Variants in CSMD1 observed in about 807,000 individuals in gnomAD.
The protein encoded by CSMD1 is CUB and sushi domain-containing protein 1.
In CSMD1, 213 loss-of-function variants were observed where a neutral mutation model predicts 417.5. That is an observed-to-expected ratio of 0.51 (90% CI 0.46 to 0.57). The LOEUF is 0.57. Ranked by LOEUF, CSMD1 falls within the 20% of genes least tolerant of loss-of-function variation. CSMD1 has a pLI of 0.00. For missense variants in CSMD1, 6,923 were observed against 4,529.7 expected (o/e 1.53, Z -15.17); for synonymous variants, 2,862 against 1,736.8 (o/e 1.65, Z -16.11).
chr8:4,149,275 T>C (rs530912182), intron 3 of CSMD1, among the ~76,000 whole-genome samples: 1 of 152,192 alleles, frequency 6.6e-6, no homozygotes, highest in African/African-American at 2.4e-5. Context: ...GTAATTTTCA[T>C]ATTCCTAAAA....
intron 1 of CSMD1, among the ~76,000 whole-genome samples, chr8:4,898,140 T>G (rs1288767579): frequency 2.6e-5 from 4 of 152,086 alleles, no homozygotes; most frequent in Non-Finnish European, 5.9e-5. Flanking sequence ...TATATATGTG[T>G]ATATCCTCTG....
chr8:4,751,647 A>C (rs1811334351), intron 1 of CSMD1, among the ~76,000 whole-genome samples: 1 of 152,004 alleles, frequency 6.6e-6, no homozygotes, highest in African/African-American at 2.4e-5. Flanking sequence ...TGCCACTATC[A>C]CCCTCAGTGA....
At chr8:4,347,082 T>C (rs887349215) in intron 3 of CSMD1, among the ~76,000 whole-genome samples, 2 of 152,042 alleles carry the variant, frequency 1.3e-5, no homozygotes, top group African/African-American at 4.8e-5. Flanking sequence ...TTTTCTCCTA[T>C]TCTTTGACCC....
At chr8:4,707,876 G>T (rs947711055) in intron 1 of CSMD1, among the ~76,000 whole-genome samples, 2 of 109,508 alleles carry the variant, frequency 1.8e-5, no homozygotes, top group African/African-American at 3.6e-5. Flanking sequence ...ACAAGAGCAA[G>T]ACTTTGTTTC....
rs185833835 is a variant in CSMD1, at chr8:4,557,378, T to C, written c.302+79964A>G. On this transcript the variant is annotated intron_variant, in intron 2 of 69. Transcript: ENST00000635120. ...CTTGATATGCCAAGATATAATTTGATAGCATTATCTAAGAATTCACAGCAT... is the reference window on the plus strand; with the variant it reads ...CTTGATATGCCAAGATATAATTTGACAGCATTATCTAAGAATTCACAGCAT... 8.5e-4 allele frequency among the ~76,000 whole-genome samples: 129 copies of C among 151,770 alleles called. 1 individual carries two copies. Among genetic ancestry groups the C allele is most frequent in the African/African-American group, 2.9e-3 (119 of 41,446 alleles).
At chr8:4,017,889 T>C (rs892233389) in intron 4 of CSMD1, among the ~76,000 whole-genome samples, 2 of 152,172 alleles carry the variant, frequency 1.3e-5, no homozygotes, top group Non-Finnish European at 2.9e-5. Context: ...CCAAAGGACT[T>C]AGGCTAATCA....
In CSMD1 at chr8:3,712,905, A is replaced by G. The variant is rs1479504124; in HGVS notation, c.932-4414T>C. Reference sequence around the variant, plus strand: ...TGGACAATTTCAGTTTGACAGAAGGAATAAGTTCAAGAGATCCCTGATACA... The same window carrying G: ...TGGACAATTTCAGTTTGACAGAAGGGATAAGTTCAAGAGATCCCTGATACA... On this transcript the variant is annotated intron_variant, in intron 6 of 69. Transcript: ENST00000635120. 3.9e-5 allele frequency among the ~76,000 whole-genome samples: 6 copies of G among 152,130 alleles called. No individual in the cohort carries two copies. In the East Asian group the frequency reaches 1.2e-3, roughly 29 times the overall value.
intron 1 of CSMD1, among the ~76,000 whole-genome samples, chr8:4,751,315 G>C (rs1338996843): frequency 1.3e-5 from 2 of 152,050 alleles, no homozygotes; most frequent in African/African-American, 4.8e-5. Flanking sequence ...AACCCAGGAA[G>C]TGGAGGTTGC....
At chr8:3,454,301 G>C (rs953287217) in intron 12 of CSMD1, among the ~76,000 whole-genome samples, 1 of 152,040 alleles carries the variant, frequency 6.6e-6, no homozygotes, top group African/African-American at 2.4e-5. Flanking sequence ...TGGAGCATTT[G>C]GCCCATTTAC....
intron 3 of CSMD1, among the ~76,000 whole-genome samples, chr8:4,349,891 C>T (rs1005997760): frequency 6.6e-6 from 1 of 150,662 alleles, no homozygotes; most frequent in African/African-American, 2.4e-5. Flanking sequence ...AGACAGGGAG[C>T]CAAAATATAT....
chr8:3,540,991 A>AC (rs1798413733), intron 10 of CSMD1, among the ~76,000 whole-genome samples: 2 of 152,328 alleles, frequency 1.3e-5, no homozygotes, highest in South Asian at 4.1e-4. Flanking sequence ...AAGATCTAGA[A>AC]CCAGAAATAC....
intron 12 of CSMD1, among the ~76,000 whole-genome samples, chr8:3,415,883 A>C (rs1316301964): frequency 6.6e-6 from 1 of 152,200 alleles, no homozygotes; most frequent in Non-Finnish European, 1.5e-5. Context: ...TTTTCATGAG[A>C]ATAAGTGAGA....
At chr8:4,094,283 G>T (rs997642192) in intron 3 of CSMD1, among the ~76,000 whole-genome samples, 1 of 152,218 alleles carries the variant, frequency 6.6e-6, no homozygotes, top group Admixed American at 6.5e-5. Flanking sequence ...GGGGGAGGCG[G>T]TAGGGAACAA....
At chr8:3,323,641 G>A (rs1318801755) in intron 23 of CSMD1, among the ~76,000 whole-genome samples, 1 of 152,298 alleles carries the variant, frequency 6.6e-6, no homozygotes. Context: ...ACAACGTTGT[G>A]TTTACAGAAG....
chr8:4,854,315 A>C (rs1418539576), intron 1 of CSMD1, among the ~76,000 whole-genome samples: 2 of 152,172 alleles, frequency 1.3e-5, no homozygotes, highest in Non-Finnish European at 2.9e-5. Flanking sequence ...TTGCCGAGGC[A>C]GATCCCTCAT....
rs537932826 is a variant in CSMD1 at position 4,146,088 on chromosome 8, C to A, written c.416-113989G>T. On this transcript the variant is annotated intron_variant, in intron 3 of 69. Transcript: ENST00000635120. The stretch of plus-strand genomic sequence containing the variant: ...TGAGGGAGGCAATTGCATGTATCTG[C>A]CTCCCACACACCAACATAATGGCAG... 7.9e-5 allele frequency among the ~76,000 whole-genome samples: 12 copies of A among 150,994 alleles called. No individual in the cohort carries two copies. In the South Asian group the frequency reaches 2.5e-3, roughly 31 times the overall value.
intron 1 of CSMD1, among the ~76,000 whole-genome samples, chr8:4,854,503 G>T (rs997633612): frequency 1.3e-5 from 2 of 152,016 alleles, no homozygotes; most frequent in African/African-American, 4.8e-5. Context: ...CTGAGGTACC[G>T]GGTTCATCTC....
chr8:4,109,824 C>T (rs1220928871), intron 3 of CSMD1, among the ~76,000 whole-genome samples: 4 of 152,114 alleles, frequency 2.6e-5, no homozygotes, highest in Admixed American at 6.5e-5. Flanking sequence ...ACCATAAATA[C>T]TTAAAACAGA....
intron 1 of CSMD1, among the ~76,000 whole-genome samples, chr8:4,897,977 C>T (rs1563706163): frequency 6.6e-6 from 1 of 151,974 alleles, no homozygotes; most frequent in African/African-American, 2.4e-5. Context: ...TTAAATTATC[C>T]CGGGCTACTT....
Sources: allele counts gnomAD v4.1 joint callset (sites outside exome capture counted in the v4.1 genomes callset), GRCh38; gene constraint gnomAD v4.1.1; transcripts MANE v1.5; gene names NCBI Gene and HGNC (gene_info 2026-07-23, HGNC 2026-07-21).